The following CPEB2 variants were observed in gnomAD, a reference collection of about 807,000 sequenced individuals.
The protein encoded by CPEB2 is cytoplasmic polyadenylation element binding protein 2.
CPEB2 carries 56 observed loss-of-function variants against 93.6 expected under a neutral mutation model. The ratio of observed to expected loss-of-function variants is 0.60; its 90% CI spans 0.48 to 0.75. The LOEUF is 0.75. Ranked by LOEUF, CPEB2 falls within the 30% of genes least tolerant of loss-of-function variation. CPEB2 has a pLI of 0.00. For missense variants in CPEB2, 1,579 were observed against 1,395.1 expected, an observed-to-expected ratio of 1.13 and a Z score of -2.10; for synonymous variants, 764 against 586.3, an observed-to-expected ratio of 1.30 and a Z score of -4.38.
intron 6 of CPEB2, among the ~76,000 whole-genome samples, chr4:15,051,117 T>G (rs968261597): frequency 6.6e-6 from 1 of 152,224 alleles, no homozygotes; most frequent in African/African-American, 2.4e-5. Flanking sequence ...CCCTATTTTG[T>G]TTCCTATCTG....
chr4:15,022,390 G>T (rs1184663003), intron 4 of CPEB2, among the ~76,000 whole-genome samples: 3 of 152,064 alleles, frequency 2.0e-5, no homozygotes, highest in Non-Finnish European at 4.4e-5. Flanking sequence ...TCAAAACTGA[G>T]TTTACTTTTT....
intron 6 of CPEB2, among the ~76,000 whole-genome samples, chr4:15,050,532 G>A (rs150748873): frequency 1.2e-3 from 188 of 152,028 alleles, no homozygotes; most frequent in Middle Eastern, 3.4e-3. Flanking sequence ...ATCTCTATAC[G>A]TAATAAAACT....
intron 6 of CPEB2, among the ~76,000 whole-genome samples, chr4:15,046,399 T>C (rs529786334): frequency 2.7e-4 from 41 of 152,322 alleles, no homozygotes; most frequent in African/African-American, 9.4e-4. Context: ...CTAATTTTTA[T>C]ATTTTTAGTA....
intron 4 of CPEB2, among the ~76,000 whole-genome samples, chr4:15,019,582 G>A (rs1157106296): frequency 1.3e-5 from 2 of 151,624 alleles, no homozygotes; most frequent in Non-Finnish European, 1.5e-5. Context: ...CTCAACCCTT[G>A]TAGGAAATCC....
At chr4:15,041,294 AT>A (rs1727160787) in intron 6 of CPEB2, among the ~76,000 whole-genome samples, 1 of 152,096 alleles carries the variant, frequency 6.6e-6, no homozygotes, top group South Asian at 2.1e-4. Flanking sequence ...TGATGTTTAT[AT>A]TGTTAGGCTT....
chr4:15,021,770 T>A (rs1424267766), intron 4 of CPEB2, among the ~76,000 whole-genome samples: 1 of 152,180 alleles, frequency 6.6e-6, no homozygotes, highest in African/African-American at 2.4e-5. Context: ...AGTGGATGCC[T>A]TTAAAACTTA....
chr4:15,031,361 G>A (rs1427708562), intron 4 of CPEB2, among the ~76,000 whole-genome samples: 1 of 151,928 alleles, frequency 6.6e-6, no homozygotes, highest in Non-Finnish European at 1.5e-5. Context: ...TCTGCAGCAA[G>A]ATGTTTAGAA....
intron 6 of CPEB2, among the ~76,000 whole-genome samples, chr4:15,043,241 TAAAG>T (rs1403263360): frequency 1.3e-5 from 2 of 152,218 alleles, no homozygotes; most frequent in African/African-American, 2.4e-5. Context: ...GAACTTTAAA[TAAAG>T]CTAGCTCCAG....
chr4:15,050,494 C>T (rs984618934), intron 6 of CPEB2, among the ~76,000 whole-genome samples: 1 of 152,116 alleles, frequency 6.6e-6, no homozygotes, highest in African/African-American at 2.4e-5. Flanking sequence ...TACTGTTTTT[C>T]CTTCTCTAAC....
At position 15,017,024 on chromosome 4, in the gene CPEB2, T is replaced by G. The variant is rs574565373; in HGVS notation, c.2035-164T>G. Among the ~76,000 whole-genome samples the G allele has an allele frequency of 6.6e-5, 10 of 152,032 alleles. No homozygotes were observed. The South Asian group carries it at 2.1e-3, about 31-fold the overall frequency. ...ATAATGTCCTCCAATGCAAGGAACA[T>G]TGTAGTTCATGAGATCTTTAGTTAT... On this transcript the variant is annotated intron_variant, in intron 3 of 11. Transcript: ENST00000538197.
intron 4 of CPEB2, among the ~76,000 whole-genome samples, chr4:15,023,801 T>C (rs887726923): frequency 2.0e-5 from 3 of 151,906 alleles, no homozygotes; most frequent in African/African-American, 7.2e-5. Flanking sequence ...ATGCTTGTGC[T>C]CCTATATTTC....
Position 15,003,141 on chromosome 4 carries a change from C to T in CPEB2, c.468C>T (p.Cys156=). 6.5e-7 allele frequency: 1 copy of T among 1,533,324 alleles called. No homozygotes were observed. Among genetic ancestry groups the T allele is most frequent in the Non-Finnish European group, 8.7e-7 (1 of 1,145,898 alleles). 95.0% of individuals were successfully genotyped at this position (1,533,324 alleles called of 1,614,324 possible). A position where few individuals can be genotyped will look rare whatever the true frequency, so the allele number is the denominator to read the frequency against. Residue 156 remains cysteine (C), a synonymous_variant, in exon 1 of 12, where the codon TGC becomes TGT. Coordinates refer to ENST00000538197, the MANE Select transcript of CPEB2 (RefSeq NM_001177382.2). ...HPSSSSASSC[C]CCRTSSPQDF... ...CCTCCTCCTCCGCCTCCTCCTGCTG[C>T]TGCTGCCGCACCTCCTCCCCGCAGG...
chr4:15,026,383 C>T (rs1577401424), intron 4 of CPEB2, among the ~76,000 whole-genome samples: 1 of 151,970 alleles, frequency 6.6e-6, no homozygotes, highest in East Asian at 1.9e-4. Flanking sequence ...CATGCCACCA[C>T]ACCCGGCTAA....
chr4:15,006,902 A>G (rs1008122551), intron 1 of CPEB2, among the ~76,000 whole-genome samples: 1 of 152,190 alleles, frequency 6.6e-6, no homozygotes, highest in African/African-American at 2.4e-5. Flanking sequence ...AACAAAGACC[A>G]TATTTTTAGT....
intron 4 of CPEB2, among the ~76,000 whole-genome samples, chr4:15,020,222 T>A (rs563719798): frequency 6.6e-6 from 1 of 152,252 alleles, no homozygotes; most frequent in East Asian, 1.9e-4. Context: ...TTCCACAACA[T>A]TCTGTTAACT....
intron 6 of CPEB2, among the ~76,000 whole-genome samples, chr4:15,051,190 C>G (rs1161033936): frequency 6.6e-6 from 1 of 152,154 alleles, no homozygotes; most frequent in Non-Finnish European, 1.5e-5. Context: ...TCATTTTCAA[C>G]TACCTTATCC....
At chr4:15,027,838 A>C (rs1725648980) in intron 4 of CPEB2, among the ~76,000 whole-genome samples, 1 of 152,160 alleles carries the variant, frequency 6.6e-6, no homozygotes, top group Non-Finnish European at 1.5e-5. Context: ...TATATGTATT[A>C]ACTCATTTAA....
intron 4 of CPEB2, among the ~76,000 whole-genome samples, chr4:15,027,110 A>G (rs1479218800): frequency 6.6e-6 from 1 of 152,204 alleles, no homozygotes; most frequent in African/African-American, 2.4e-5. Context: ...TTATCTTACT[A>G]AATGATTAAT....
chr4:15,067,042 C>T lies in CPEB2; in HGVS notation c.*662C>T, dbSNP rs1204023908. 6.6e-6 allele frequency: 1 copy of T among 152,608 alleles called. No individual in the cohort carries two copies. Among genetic ancestry groups the T allele is most frequent in the Non-Finnish European group, 1.5e-5 (1 of 68,140 alleles). The allele number at this position is 152,608 out of a possible 1,614,324, so 9.5% of individuals were successfully genotyped here. A position where few individuals can be genotyped will look rare whatever the true frequency, so the allele number is the denominator to read the frequency against. On this transcript the variant is annotated 3_prime_UTR_variant, in exon 12 of 12. Transcript: ENST00000538197. ...TACGGGACTGAAAACGTTAGAGACA[C>T]ACTGCATTGCAGATAAAATGCAGGC...
Sources: allele counts gnomAD v4.1 joint callset (sites outside exome capture counted in the v4.1 genomes callset), GRCh38; gene constraint gnomAD v4.1.1; transcripts MANE v1.5; gene names NCBI Gene and HGNC (gene_info 2026-07-23, HGNC 2026-07-21).